The following PIK3C2G variants were observed in gnomAD, a reference collection of about 807,000 sequenced individuals.
PIK3C2G encodes phosphatidylinositol 3-kinase C2 domain-containing subunit gamma.
PIK3C2G carries 168 observed loss-of-function variants against 181.1 expected under a neutral mutation model. The ratio of observed to expected loss-of-function variants is 0.93; its 90% CI spans 0.82 to 1.05. The LOEUF is 1.05. Among genes scored for constraint, PIK3C2G ranks in the 50% least tolerant of loss-of-function variants. PIK3C2G has a pLI of 0.00. For synonymous variants in PIK3C2G, 573 were observed against 592.2 expected (o/e 0.97, Z 0.47); for missense variants, 1,869 against 1,732.8 (o/e 1.08, Z -1.40).
the PIK3C2G span, among the ~76,000 whole-genome samples, chr12:18,708,012 T>C: frequency 6.6e-6 from 1 of 152,224 alleles, no homozygotes; most frequent in African/African-American, 2.4e-5. Context: ...TTAAAATTTT[T>C]GTAGCAAGAG....
intron 12 of PIK3C2G, among the ~76,000 whole-genome samples, chr12:18,367,373 C>T (rs1372832878): frequency 2.0e-5 from 3 of 152,048 alleles, no homozygotes; most frequent in Non-Finnish European, 4.4e-5. Context: ...ACCGAAATAT[C>T]TAGGTATCCA....
intron 29 of PIK3C2G, among the ~76,000 whole-genome samples, chr12:18,567,982 A>C (rs1592604522): frequency 6.6e-6 from 1 of 152,112 alleles, no homozygotes; most frequent in Admixed American, 6.6e-5. Context: ...ACAGTGGCAC[A>C]CTTTGACCTC....
the PIK3C2G span, among the ~76,000 whole-genome samples, chr12:18,713,363 C>G: frequency 6.6e-6 from 1 of 151,996 alleles, no homozygotes; most frequent in Non-Finnish European, 1.5e-5. Flanking sequence ...CAATGCCATA[C>G]CATTCAAAAG....
At chr12:18,553,560 T>C (rs78170172) in intron 26 of PIK3C2G, among the ~76,000 whole-genome samples, 2,230 of 152,226 alleles carry the variant, frequency 0.015, 50 homozygotes, top group African/African-American at 0.051. Context: ...TAGCTGAACT[T>C]GTAGCATGAA....
chr12:18,280,288 C>A (rs10505813), intron 1 of PIK3C2G, among the ~76,000 whole-genome samples: 1 of 151,610 alleles, frequency 6.6e-6, no homozygotes, highest in Non-Finnish European at 1.5e-5. Context: ...GATGATCTAA[C>A]GGAAAAGGGA....
the PIK3C2G span, among the ~76,000 whole-genome samples, chr12:18,653,941 T>G: frequency 6.6e-6 from 1 of 152,164 alleles, no homozygotes; most frequent in Non-Finnish European, 1.5e-5. Context: ...GTCAGCCTTC[T>G]GGCTCCATGA....
chr12:18,252,708 A>T (rs1381802308), intron 1 of PIK3C2G, among the ~76,000 whole-genome samples: 1 of 152,300 alleles, frequency 6.6e-6, no homozygotes, highest in South Asian at 2.1e-4. Context: ...GTCTTCAGAA[A>T]CATATACATT....
intron 26 of PIK3C2G, among the ~76,000 whole-genome samples, chr12:18,562,429 G>A (rs1945400105): frequency 1.3e-5 from 2 of 152,182 alleles, no homozygotes; most frequent in African/African-American, 2.4e-5. Context: ...ACCGCGCCGG[G>A]CCACAACAAA....
chr12:18,701,689 T>C, the PIK3C2G span: 24 of 1,610,246 alleles, frequency 1.5e-5, no homozygotes, highest in African/African-American at 1.7e-4. Context: ...TCCTCCACCT[T>C]ACCACGCTTA....
At chr12:18,363,540 G>C (rs553669732) in intron 12 of PIK3C2G, among the ~76,000 whole-genome samples, 7 of 152,032 alleles carry the variant, frequency 4.6e-5, no homozygotes, top group East Asian at 3.9e-4. Flanking sequence ...CATGGTTACT[G>C]CTGCATTTCC....
At chr12:18,569,683 A>G (rs2136367923) in intron 29 of PIK3C2G, among the ~76,000 whole-genome samples, 1 of 152,216 alleles carries the variant, frequency 6.6e-6, no homozygotes, top group Middle Eastern at 3.4e-3. Flanking sequence ...TCAACCTTAT[A>G]ATGACCAGTT....
the PIK3C2G span, among the ~76,000 whole-genome samples, chr12:18,675,089 G>A: frequency 6.6e-6 from 1 of 152,144 alleles, no homozygotes; most frequent in East Asian, 1.9e-4. Context: ...TTGAGCACTG[G>A]AAATGTGATT....
chr12:18,509,214 T>A (rs1007975073), intron 24 of PIK3C2G, among the ~76,000 whole-genome samples: 3 of 151,944 alleles, frequency 2.0e-5, no homozygotes, highest in East Asian at 3.9e-4. Context: ...CCTGGCTAAT[T>A]TTTTTTGTAT....
intron 16 of PIK3C2G, among the ~76,000 whole-genome samples, chr12:18,409,440 T>C (rs910583338): frequency 6.6e-6 from 1 of 152,000 alleles, no homozygotes; most frequent in Non-Finnish European, 1.5e-5. Flanking sequence ...GAGAAATACC[T>C]AATGTAGATG....
chr12:18,475,572 G>A (rs941614156), intron 18 of PIK3C2G, among the ~76,000 whole-genome samples: 6 of 151,924 alleles, frequency 3.9e-5, no homozygotes, highest in African/African-American at 1.4e-4. Context: ...ATTTAGTTAT[G>A]CAATTATTTT....
intron 8 of PIK3C2G, among the ~76,000 whole-genome samples, chr12:18,330,543 T>C (rs1303905380): frequency 6.6e-6 from 1 of 152,210 alleles, no homozygotes; most frequent in Non-Finnish European, 1.5e-5. Flanking sequence ...CAATGGCTGA[T>C]GATGCCGAAT....
chr12:18,392,111 G>T (rs1216788297), intron 15 of PIK3C2G, among the ~76,000 whole-genome samples: 1 of 152,092 alleles, frequency 6.6e-6, no homozygotes. Context: ...GGCCATGATG[G>T]CTAGAACTAA....
chr12:18,312,720 G>C (rs544797587), intron 5 of PIK3C2G, among the ~76,000 whole-genome samples: 1 of 152,268 alleles, frequency 6.6e-6, no homozygotes, highest in South Asian at 2.1e-4. Context: ...TAGACTAACA[G>C]TTGGGATAGG....
the PIK3C2G span, among the ~76,000 whole-genome samples, chr12:18,707,481 T>C: frequency 3.3e-5 from 5 of 152,280 alleles, no homozygotes; most frequent in Admixed American, 3.3e-4. Context: ...CCTGGCCACA[T>C]TGAAAGTGGA....
Sources: gnomAD v4.1 joint callset for allele counts (sites outside exome capture counted in the v4.1 genomes callset) on GRCh38, gnomAD v4.1.1 for gene constraint, MANE v1.5 for transcripts, NCBI Gene and HGNC (gene_info 2026-07-23, HGNC 2026-07-21) for gene names.